SHROOM2: variants seen among roughly 807,000 people sequenced by gnomAD.
The protein encoded by SHROOM2 is shroom family member 2.
Under a neutral mutation model 75.9 loss-of-function variants are expected in SHROOM2, and 33 were observed. That is an observed-to-expected ratio of 0.43 (90% confidence interval 0.33 to 0.58). The LOEUF is 0.58. Among genes scored for constraint, SHROOM2 ranks in the 20% least tolerant of loss-of-function variants. The pLI, the probability that SHROOM2 is intolerant of heterozygous loss-of-function variation, is 0.04. For missense variants in SHROOM2, 1,434 were observed against 1,461.2 expected, an observed-to-expected ratio of 0.98 and a Z score of 0.30; for synonymous variants, 655 against 663.6, an observed-to-expected ratio of 0.99 and a Z score of 0.20.
At chrX:9,851,093 C>T (rs958290265) in intron 1 of SHROOM2, among the ~76,000 whole-genome samples, 90 of 111,379 alleles carry the variant, frequency 8.1e-4, no homozygotes, top group Non-Finnish European at 1.5e-3. Context: ...ACTGCAGCCT[C>T]CACCTCCTGG....
chrX:9,945,753 A>G (rs1165334537), intron 9 of SHROOM2, among the ~76,000 whole-genome samples: 2 of 111,927 alleles, frequency 1.8e-5, no homozygotes. Flanking sequence ...TCTAACTTCA[A>G]GGCGTTTCTC....
intron 1 of SHROOM2, among the ~76,000 whole-genome samples, chrX:9,835,958 T>C (rs907095406): frequency 9.9e-4 from 111 of 112,298 alleles, no homozygotes; most frequent in African/African-American, 3.4e-3. Flanking sequence ...GGAGTTGTTC[T>C]AGAACCTCTC....
intron 8 of SHROOM2, among the ~76,000 whole-genome samples, chrX:9,944,373 G>A (rs756491631): frequency 8.9e-6 from 1 of 111,885 alleles, no homozygotes; most frequent in Admixed American, 9.5e-5. Context: ...GAGCATCGGG[G>A]CCACAACTCC....
intron 1 of SHROOM2, among the ~76,000 whole-genome samples, chrX:9,831,478 G>A (rs1009059995): frequency 9.0e-6 from 1 of 111,487 alleles, no homozygotes; most frequent in Non-Finnish European, 1.9e-5. Flanking sequence ...GACCAGCATG[G>A]AGAAACCCTG....
At chrX:9,941,898 G>T (rs1410262654) in intron 8 of SHROOM2, among the ~76,000 whole-genome samples, 1 of 105,227 alleles carries the variant, frequency 9.5e-6, no homozygotes, top group Non-Finnish European at 1.9e-5. Flanking sequence ...GTGAACCTGG[G>T]AGGCGGAGCT....
chrX:9,872,687 C>T (rs985237358), intron 1 of SHROOM2, among the ~76,000 whole-genome samples: 1 of 112,077 alleles, frequency 8.9e-6, no homozygotes, highest in Non-Finnish European at 1.9e-5. Context: ...TTAACATACA[C>T]GGCATGGTAT....
At chrX:9,936,099 ACTTTT>A (rs983075354) in intron 6 of SHROOM2, among the ~76,000 whole-genome samples, 5 of 107,789 alleles carry the variant, frequency 4.6e-5, no homozygotes, top group African/African-American at 1.7e-4. Context: ...TCATCCAGAA[ACTTTT>A]CTTTTTTTTT....
At chrX:9,882,170 C>G (rs998638347) in intron 2 of SHROOM2, among the ~76,000 whole-genome samples, 3 of 69,400 alleles carry the variant, frequency 4.3e-5, no homozygotes, top group Non-Finnish European at 7.8e-5. Context: ...GTCTGCAATC[C>G]CTTGTTGCTT....
chrX:9,840,206 T>A (rs1046974455), intron 1 of SHROOM2, among the ~76,000 whole-genome samples: 1 of 112,807 alleles, frequency 8.9e-6, no homozygotes, highest in African/African-American at 3.2e-5. Context: ...TCACATGCAG[T>A]TGGTTCCCAT....
chrX:9,918,479 C>T (rs1257804011), intron 5 of SHROOM2, among the ~76,000 whole-genome samples: 3 of 111,261 alleles, frequency 2.7e-5, no homozygotes, highest in Non-Finnish European at 5.7e-5. Context: ...CAAGCTCCCT[C>T]GCATATCTTT....
rs952898789 is a variant in SHROOM2 at position 9,946,746 on chromosome X, C to T, written c.4660C>T (p.Arg1554Cys). Residue 1554 changes from arginine (R) to cysteine (C), a missense_variant, in exon 10 of 10, where the codon CGC (arginine) becomes TGC (cysteine). Arg to Cys is a radical substitution (Grantham distance 180). Coordinates refer to ENST00000380913, the MANE Select transcript of SHROOM2 (RefSeq NM_001649.4). ...CAAGGAGCTCAAGGAGAACCTGGAC[C>T]GCCGCGAGCGCATCGTCTTTGACAT... ...DAKELKENLD[R>C]RERIVFDILA... The T allele has an allele frequency of 7.5e-6, 9 of 1,202,680 alleles. No homozygotes were observed. The highest frequency in any genetic ancestry group is 3.5e-5 in the African/African-American group (2 of 57,328).
chrX:9,876,264 A>G (rs2084200475), intron 2 of SHROOM2, among the ~76,000 whole-genome samples: 1 of 112,208 alleles, frequency 8.9e-6, no homozygotes, highest in Middle Eastern at 4.2e-3. Context: ...GTGTTAGGAA[A>G]AAACCCACAA....
chrX:9,878,088 T>G (rs149295797), intron 2 of SHROOM2, among the ~76,000 whole-genome samples: 41 of 112,428 alleles, frequency 3.6e-4, no homozygotes, highest in Non-Finnish European at 5.4e-4. Context: ...GAAAATTTCT[T>G]TTAAATATCA....
intron 1 of SHROOM2, among the ~76,000 whole-genome samples, chrX:9,795,070 G>A (rs932881305): frequency 1.9e-5 from 2 of 108,038 alleles, no homozygotes; most frequent in Non-Finnish European, 3.8e-5. Context: ...TTTTGTACTA[G>A]GTCTACTTTT....
chrX:9,929,195 TG>T (rs2084623914), intron 5 of SHROOM2, among the ~76,000 whole-genome samples: 1 of 111,076 alleles, frequency 9.0e-6, no homozygotes, highest in Non-Finnish European at 1.9e-5. Context: ...TCTTCGTTTG[TG>T]TTGTTGACCC....
chrX:9,871,897 T>A (rs192100254), intron 1 of SHROOM2, among the ~76,000 whole-genome samples: 223 of 112,359 alleles, frequency 2.0e-3, no homozygotes, highest in African/African-American at 7.0e-3. Flanking sequence ...GGGTTAGCCA[T>A]GACATGCAGC....
At chrX:9,792,962 G>C (rs1334855116) in intron 1 of SHROOM2, among the ~76,000 whole-genome samples, 1 of 111,425 alleles carries the variant, frequency 9.0e-6, no homozygotes, top group Non-Finnish European at 1.9e-5. Flanking sequence ...CACCCGCCTT[G>C]GCCTCCCAAA....
At chrX:9,870,703 C>G (rs1372742935) in intron 1 of SHROOM2, among the ~76,000 whole-genome samples, 1 of 112,095 alleles carries the variant, frequency 8.9e-6, no homozygotes, top group African/African-American at 3.2e-5. Flanking sequence ...TGGATGTTTA[C>G]ATTGTCATGA....
intron 1 of SHROOM2, among the ~76,000 whole-genome samples, chrX:9,866,095 T>C (rs1220883477): frequency 2.8e-5 from 3 of 105,704 alleles, no homozygotes; most frequent in Non-Finnish European, 5.8e-5. Context: ...TTTTTTTTTT[T>C]TTTTTTTTTT....
Sources: gnomAD v4.1 joint callset for allele counts (sites outside exome capture counted in the v4.1 genomes callset) on GRCh38, gnomAD v4.1.1 for gene constraint, MANE v1.5 for transcripts, NCBI Gene and HGNC (gene_info 2026-07-23, HGNC 2026-07-21) for gene names.